PTPRZ1: variants seen among roughly 807,000 people sequenced by gnomAD.
The protein encoded by PTPRZ1 is protein tyrosine phosphatase receptor type Z1, also known as receptor-type tyrosine-protein phosphatase zeta.
Under a neutral mutation model 214.1 loss-of-function variants are expected in PTPRZ1, and 82 were observed. The observed-to-expected ratio is 0.38, with a 90% CI of 0.32 to 0.46. PTPRZ1 has a LOEUF of 0.46. Among genes scored for constraint, PTPRZ1 ranks in the 20% least tolerant of loss-of-function variants. PTPRZ1 has a pLI of 1.00. For synonymous variants in PTPRZ1, 945 were observed against 987.9 expected (o/e 0.96, Z 0.81); for missense variants, 2,603 against 2,748.7 (o/e 0.95, Z 1.19).
intron 2 of PTPRZ1, among the ~76,000 whole-genome samples, chr7:121,937,163 T>C (rs1796110241): frequency 6.6e-6 from 1 of 152,162 alleles, no homozygotes; most frequent in Non-Finnish European, 1.5e-5. Context: ...TGCATAATTG[T>C]GCAATTGCAC....
At chr7:121,916,090 A>G (rs1440948731) in intron 1 of PTPRZ1, among the ~76,000 whole-genome samples, 1 of 152,020 alleles carries the variant, frequency 6.6e-6, no homozygotes, top group Non-Finnish European at 1.5e-5. Context: ...CCTGGCCAAC[A>G]TGGTAAAACC....
chr7:122,046,512 C>T (rs1197357747), intron 23 of PTPRZ1, among the ~76,000 whole-genome samples: 1 of 152,142 alleles, frequency 6.6e-6, no homozygotes, highest in Non-Finnish European at 1.5e-5. Context: ...AAGGATGCAA[C>T]TTACCAGAGG....
Position 122,040,830 on chromosome 7 carries a change from A to T in PTPRZ1, c.5652A>T (p.Gly1884=). ...NTKIKKGSQK[G]RPSGRVVTQY... is the part of the protein sequence containing the mutation. ...AACTTTTCCAGGGCTCCCAGAAAGG[A>T]AGACCCAGTGGACGTGTGGTCACAC... The change falls in exon 21 of 30, where the codon GGA becomes GGT. Residue 1884 remains glycine, a synonymous_variant. Transcript: ENST00000393386. 6.4e-7 allele frequency: 1 copy of T among 1,561,898 alleles called. No individual in the cohort carries two copies. The highest frequency in any genetic ancestry group is 2.0e-4 in the Middle Eastern group (1 of 5,062).
chr7:121,986,259 A>T (rs1797759966), intron 8 of PTPRZ1, among the ~76,000 whole-genome samples: 1 of 152,222 alleles, frequency 6.6e-6, no homozygotes, highest in South Asian at 2.1e-4. Context: ...CAGTTTGGGA[A>T]GCTGATATTA....
intron 14 of PTPRZ1, among the ~76,000 whole-genome samples, chr7:122,030,007 C>T (rs1799326169): frequency 6.6e-6 from 1 of 151,962 alleles, no homozygotes; most frequent in Non-Finnish European, 1.5e-5. Flanking sequence ...CACTTCCAAA[C>T]ATGTCTCTTC....
At position 122,012,972 on chromosome 7, in the gene PTPRZ1, G is replaced by A; in HGVS notation, c.3926G>A (p.Arg1309Lys). 1.2e-6 allele frequency: 2 copies of A among 1,614,056 alleles called. No homozygotes were observed. The highest frequency in any genetic ancestry group is 1.1e-5 in the South Asian group (1 of 91,074). Residue 1309 changes from arginine to lysine, a missense_variant, in exon 12 of 30, where the codon AGG (arginine) becomes AAG (lysine). Around this residue, in one of 6 missense-constraint regions of PTPRZ1, gnomAD observed 1,913 missense variants for 1,914.3 expected, o/e 1.00. Transcript: ENST00000393386. ...AACCAGGCCCATCCCCCAAAAGGAA[G>A]GCATGTATTTGCTACACCTGTTTTA... ...EINQAHPPKG[R>K]HVFATPVLSI...
intron 26 of PTPRZ1, among the ~76,000 whole-genome samples, 181 bp downstream of exon 26, chr7:122,054,219 G>A (rs1792279578): frequency 6.6e-6 from 1 of 152,078 alleles, no homozygotes; most frequent in South Asian, 2.1e-4. Flanking sequence ...CTAGGTCAAA[G>A]TGATGAATAA....
intron 1 of PTPRZ1, among the ~76,000 whole-genome samples, chr7:121,886,385 G>A (rs1794397442): frequency 6.6e-6 from 1 of 151,194 alleles, no homozygotes; most frequent in Non-Finnish European, 1.5e-5. Context: ...ATATGTTCTT[G>A]TTCATTCACT....
chr7:121,917,094 T>C (rs1323208281), intron 1 of PTPRZ1, among the ~76,000 whole-genome samples: 1 of 152,196 alleles, frequency 6.6e-6, no homozygotes, highest in East Asian at 1.9e-4. Flanking sequence ...TTGCACAGTT[T>C]CCGCTCACTT....
At chr7:121,983,878 T>C in intron 7 of PTPRZ1, 56 bp downstream of exon 7, 1 of 1,588,988 alleles carries the variant, frequency 6.3e-7, no homozygotes, top group South Asian at 1.1e-5. Context: ...AAAAACATTA[T>C]GTTCTAAGTT....
chr7:121,976,742 A>G, intron 5 of PTPRZ1, 43 bp from the exon 6 acceptor site: 1 of 1,426,904 alleles, frequency 7.0e-7, no homozygotes, highest in Non-Finnish European at 9.6e-7. Context: ...ATAGTTATCC[A>G]AATGTTTTAT....
chr7:122,013,190 C>T lies in PTPRZ1; in HGVS notation c.4144C>T (p.His1382Tyr), dbSNP rs769735818. The change falls in exon 12 of 30, where the codon CAC becomes TAC. Residue 1382 changes from histidine to tyrosine, a missense_variant. By Grantham distance (83) the His-to-Tyr change is moderately conservative (BLOSUM62 2). Transcript: ENST00000393386. ...TGTTGCCATTACAGCTGTTTCTCCC[C>T]ACAGAGATGGTTCTGTAACCTCAAC... ...GHVAITAVSP[H>Y]RDGSVTSTKL... 6.2e-7 allele frequency: 1 copy of T among 1,614,112 alleles called. No homozygotes were observed. The highest frequency in any genetic ancestry group is 8.5e-7 in the Non-Finnish European group (1 of 1,179,998).
At chr7:121,888,860 G>A (rs1304073667) in intron 1 of PTPRZ1, among the ~76,000 whole-genome samples, 1 of 152,056 alleles carries the variant, frequency 6.6e-6, no homozygotes, top group Non-Finnish European at 1.5e-5. Context: ...GTTATTAAAA[G>A]CTTAAAATCC....
intron 1 of PTPRZ1, chr7:121,909,051 C>A: frequency 4.3e-6 from 2 of 464,012 alleles, no homozygotes; most frequent in South Asian, 3.3e-5. Flanking sequence ...AATCAATTTG[C>A]TTGCTCTCTT....
intron 1 of PTPRZ1, among the ~76,000 whole-genome samples, chr7:121,927,580 C>T (rs907029985): frequency 6.6e-6 from 1 of 152,166 alleles, no homozygotes; most frequent in African/African-American, 2.4e-5. Context: ...CTCTGTTCCT[C>T]CAAGTGACAA....
intron 1 of PTPRZ1, among the ~76,000 whole-genome samples, chr7:121,925,348 T>C (rs1795722536): frequency 6.6e-6 from 1 of 152,164 alleles, no homozygotes; most frequent in South Asian, 2.1e-4. Context: ...AACAACCATA[T>C]TTGAAAAATA....
intron 1 of PTPRZ1, among the ~76,000 whole-genome samples, chr7:121,899,557 A>G (rs899027172): frequency 3.9e-5 from 6 of 152,200 alleles, no homozygotes; most frequent in African/African-American, 1.4e-4. Flanking sequence ...AGTTTCTTTC[A>G]GGCTATCTCT....
chr7:121,957,206 C>T (rs1247813573), intron 2 of PTPRZ1, among the ~76,000 whole-genome samples: 1 of 152,076 alleles, frequency 6.6e-6, no homozygotes, highest in Admixed American at 6.5e-5. Flanking sequence ...TAGGCCTGGG[C>T]TCTGGCTTTG....
intron 26 of PTPRZ1, 95 bp downstream of exon 26, chr7:122,054,133 T>G: frequency 3.5e-6 from 5 of 1,430,286 alleles, no homozygotes; most frequent in Non-Finnish European, 4.8e-6. Context: ...CAAAGTAATT[T>G]TGTTTTCAAC....
Sources: allele counts gnomAD v4.1 joint callset (sites outside exome capture counted in the v4.1 genomes callset), GRCh38; gene constraint gnomAD v4.1.1; regional missense constraint gnomAD v4.1.1; transcripts MANE v1.5; gene names NCBI Gene and HGNC (gene_info 2026-07-23, HGNC 2026-07-21).